The following KIAA1217 variants were observed in gnomAD, a reference collection of about 807,000 sequenced individuals.
KIAA1217 encodes sickle tail protein homolog.
A neutral mutation model predicts 163.9 loss-of-function variants in KIAA1217; 88 were observed. The observed-to-expected ratio is 0.54, with a 90% CI of 0.45 to 0.64. The LOEUF (loss-of-function observed/expected upper bound fraction) is 0.64, where lower values mean the gene tolerates loss of function less well. Among genes scored for constraint, KIAA1217 ranks in the 30% least tolerant of loss-of-function variants. The pLI, the probability that KIAA1217 is intolerant of heterozygous loss-of-function variation, is 0.00. For missense variants in KIAA1217, 2,372 were observed against 2,475.0 expected (o/e 0.96, Z 0.88); for synonymous variants, 903 against 923.1 (o/e 0.98, Z 0.39).
At chr10:24,064,610 G>A (rs1341612656) in intron 2 of KIAA1217, among the ~76,000 whole-genome samples, 1 of 151,904 alleles carries the variant, frequency 6.6e-6, no homozygotes, top group South Asian at 2.1e-4. Context: ...CTCTTTTTTT[G>A]TTGTGTCTCT....
At chr10:24,260,391 T>C (rs993216088) in intron 2 of KIAA1217, among the ~76,000 whole-genome samples, 65 of 152,116 alleles carry the variant, frequency 4.3e-4, no homozygotes, top group African/African-American at 1.5e-3. Context: ...TATGATCAAT[T>C]GTGCCATAAT....
intron 2 of KIAA1217, among the ~76,000 whole-genome samples, chr10:24,275,042 A>G (rs1418921691): frequency 6.6e-6 from 1 of 152,128 alleles, no homozygotes; most frequent in East Asian, 1.9e-4. Flanking sequence ...GGCTCAAGTG[A>G]TCTTCCCACC....
At chr10:24,177,938 T>A (rs1399908200) in intron 2 of KIAA1217, among the ~76,000 whole-genome samples, 1 of 152,234 alleles carries the variant, frequency 6.6e-6, no homozygotes, top group African/African-American at 2.4e-5. Flanking sequence ...GTTTGCTGGA[T>A]CCTTTATCTA....
chr10:24,088,274 T>TATGTATATATATATAC (rs1285415158), intron 2 of KIAA1217, among the ~76,000 whole-genome samples: 4 of 107,246 alleles, frequency 3.7e-5, no homozygotes, highest in African/African-American at 1.2e-4. Context: ...TATATATATA[T>TATGTATATATATATAC]ACACACATAT....
At chr10:23,830,673 G>GGTAC (rs991011275) in intron 1 of KIAA1217, among the ~76,000 whole-genome samples, 1 of 150,612 alleles carries the variant, frequency 6.6e-6, no homozygotes, top group African/African-American at 2.4e-5. Context: ...ATCATAGGTA[G>GGTAC]GTAGGTAGGT....
In KIAA1217 at chr10:24,524,348, G is replaced by A. The variant is rs201731110; in HGVS notation, c.2482G>A (p.Gly828Ser). The A allele has an allele frequency of 6.9e-5, 112 of 1,611,696 alleles. No homozygotes were observed. The East Asian group carries it at 1.5e-3, about 21-fold the overall frequency. Reference protein sequence around the residue: ...RRHVTDGLLKGTDAAQAAQYM... With the variant: ...RRHVTDGLLKSTDAAQAAQYM... The stretch of plus-strand genomic sequence containing the variant: ...ACATGTCACTGATGGGCTCCTGAAA[G>A]GCACGGACGCAGCCCAAGCCGCACA... Residue 828 changes from glycine to serine, a missense_variant, in exon 13 of 21, where the codon GGC becomes AGC. Around this residue, in one of 3 missense-constraint regions of KIAA1217, gnomAD observed 1,431 missense variants for 1,470.3 expected, o/e 0.97. Coordinates refer to ENST00000376454, the MANE Select transcript of KIAA1217 (RefSeq NM_019590.5).
chr10:23,881,056 G>A (rs1471554929), intron 1 of KIAA1217, among the ~76,000 whole-genome samples: 1 of 151,710 alleles, frequency 6.6e-6, no homozygotes, highest in Non-Finnish European at 1.5e-5. Context: ...GGGGGAAAGT[G>A]AGGATTTCAG....
At position 24,155,005 on chromosome 10, in the gene KIAA1217, T is replaced by G. The variant is rs967298644; in HGVS notation, c.-170-64621T>G. Among the ~76,000 whole-genome samples, 5 of 151,802 alleles carry G rather than the reference T, an allele frequency of 3.3e-5. No individual in the cohort carries two copies. The East Asian group carries it at 9.7e-4, about 29-fold the overall frequency. On this transcript the variant is annotated intron_variant, in intron 2 of 18. Coordinates refer to the KIAA1217 transcript ENST00000376462. ...AAGGGAATGGGGAGTTAGCGTTTAA[T>G]GCATACAGAGTTCCAGTGTTGCAAG...
At chr10:24,032,479 C>G (rs568247161) in intron 2 of KIAA1217, among the ~76,000 whole-genome samples, 1 of 152,028 alleles carries the variant, frequency 6.6e-6, no homozygotes, top group South Asian at 2.1e-4. Context: ...ACTCCGAGGC[C>G]CAAGTGATCC....
At chr10:24,030,207 G>A (rs986575420) in intron 2 of KIAA1217, among the ~76,000 whole-genome samples, 2 of 152,110 alleles carry the variant, frequency 1.3e-5, no homozygotes, top group African/African-American at 4.8e-5. Flanking sequence ...GGCATTATGT[G>A]TATTCACATT....
At chr10:24,436,222 G>A (rs1189680391) in intron 4 of KIAA1217, among the ~76,000 whole-genome samples, 4 of 151,912 alleles carry the variant, frequency 2.6e-5, no homozygotes, top group African/African-American at 4.8e-5. Context: ...AAAGATCACC[G>A]ATTTATAAAT....
intron 1 of KIAA1217, among the ~76,000 whole-genome samples, chr10:23,819,368 T>C (rs186294863): frequency 6.6e-6 from 1 of 152,208 alleles, no homozygotes; most frequent in Admixed American, 6.5e-5. Flanking sequence ...TCCTTCTGAA[T>C]TCAGGGGAGA....
intron 17 of KIAA1217, 38 bp from the exon 18 acceptor site, chr10:24,542,655 G>C: frequency 6.2e-7 from 1 of 1,601,356 alleles, no homozygotes; most frequent in Non-Finnish European, 8.6e-7. Context: ...GGGGGGATGT[G>C]GTTTTGTGGA....
At chr10:23,816,660 A>G (rs1837326616) in intron 1 of KIAA1217, among the ~76,000 whole-genome samples, 2 of 152,190 alleles carry the variant, frequency 1.3e-5, no homozygotes, top group Non-Finnish European at 2.9e-5. Flanking sequence ...ATTTGGAAGA[A>G]ATGAAGAGTG....
In KIAA1217 at chr10:24,505,715, G is replaced by C. The variant is rs115333675; in HGVS notation, c.2001+4170G>C. 4.5e-3 allele frequency among the ~76,000 whole-genome samples: 678 copies of C among 152,052 alleles called. 9 individuals are homozygous for C. The highest frequency in any genetic ancestry group is 0.016 in the African/African-American group (645 of 41,472). ...CTGCTTCCTGATAAATAAAAAATTG[G>C]GTTGTTCATTACATTTGTAGGACTC... On this transcript the variant is annotated intron_variant, in intron 9 of 20. Transcript: ENST00000376454.
intron 1 of KIAA1217, among the ~76,000 whole-genome samples, chr10:23,879,319 C>T (rs1014376486): frequency 6.6e-6 from 1 of 151,824 alleles, no homozygotes; most frequent in African/African-American, 2.4e-5. Flanking sequence ...TTGAGTGTTG[C>T]TAGAGATGAG....
At chr10:23,873,118 T>A (rs954479518) in intron 1 of KIAA1217, among the ~76,000 whole-genome samples, 2 of 152,054 alleles carry the variant, frequency 1.3e-5, no homozygotes, top group Non-Finnish European at 2.9e-5. Context: ...ATACCAGGAA[T>A]AGAGATCAAA....
At position 24,501,482 on chromosome 10, in the gene KIAA1217, G is replaced by T; in HGVS notation, c.1938G>T (p.Leu646=). 1 of 1,613,984 alleles carries T rather than the reference G, an allele frequency of 6.2e-7. No homozygotes were observed. Among genetic ancestry groups the T allele is most frequent in the South Asian group, 1.1e-5 (1 of 91,058 alleles). Residue 646 remains leucine (L), a synonymous_variant, in exon 9 of 21, where the codon CTG becomes CTT. Coordinates refer to ENST00000376454, the MANE Select transcript of KIAA1217 (RefSeq NM_019590.5). ...GCACCTCAGCCATCCACATGAGCCT[G>T]CTTGAGATGAGGCGGAGCGTGGCGG... ...PVGTSAIHMS[L]LEMRRSVAEL... is the part of the protein sequence containing the mutation.
At chr10:24,241,638 T>C (rs2073116665) in intron 2 of KIAA1217, among the ~76,000 whole-genome samples, 1 of 152,314 alleles carries the variant, frequency 6.6e-6, no homozygotes, top group African/African-American at 2.4e-5. Context: ...TCGAATATAC[T>C]GTCCTTTATT....
Sources: allele counts gnomAD v4.1 joint callset (sites outside exome capture counted in the v4.1 genomes callset), GRCh38; gene constraint gnomAD v4.1.1; regional missense constraint gnomAD v4.1.1; transcripts MANE v1.5; gene names NCBI Gene and HGNC (gene_info 2026-07-23, HGNC 2026-07-21).